WASF3: variants seen among roughly 807,000 people sequenced by gnomAD.
WASF3 encodes the protein WASP family member 3.
In WASF3, 11 loss-of-function variants were observed where a neutral mutation model predicts 46.6. The observed-to-expected ratio is 0.24, with a 90% CI of 0.15 to 0.39. WASF3 has a LOEUF of 0.39. WASF3 is among the 10% of genes least tolerant of loss of function. The probability of loss-of-function intolerance (pLI) is 1.00; values close to 1 mark genes in which losing one functional copy is unlikely to be tolerated. For missense variants in WASF3, 576 were observed against 669.8 expected, an observed-to-expected ratio of 0.86 and a Z score of 1.55; for synonymous variants, 242 against 259.7, an observed-to-expected ratio of 0.93 and a Z score of 0.65.
Position 26,685,811 on chromosome 13 carries a change from A to G in WASF3, c.1475A>G (p.Asp492Gly). 6.2e-7 allele frequency: 1 copy of G among 1,613,926 alleles called. No homozygotes were observed. Among genetic ancestry groups the G allele is most frequent in the African/African-American group, 1.3e-5 (1 of 75,024 alleles). ...GTGGAGTACAGCGACTCTGACGACG[A>G]CTCAGAGTTCGACGAGAACGACTGG... ...IAVEYSDSDDDSEFDENDWSD is the reference protein window; with the variant it reads ...IAVEYSDSDDGSEFDENDWSD The change falls in exon 10 of 10, where the codon GAC becomes GGC. Residue 492 changes from aspartate (D) to glycine (G), a missense_variant. This residue lies in a region of WASF3 where 68 missense variants were observed against 100.3 expected (regional missense o/e 0.68). Coordinates refer to ENST00000335327, the MANE Select transcript of WASF3 (RefSeq NM_006646.6).
intron 2 of WASF3, among the ~76,000 whole-genome samples, chr13:26,637,742 A>T (rs772004123): frequency 7.9e-5 from 12 of 152,190 alleles, no homozygotes; most frequent in Admixed American, 1.3e-4. Flanking sequence ...GGTCACCGTC[A>T]CTGTAATCTT....
the WASF3 span, among the ~76,000 whole-genome samples, chr13:26,544,423 G>A: frequency 6.6e-6 from 1 of 152,168 alleles, no homozygotes; most frequent in Non-Finnish European, 1.5e-5. Context: ...TTTCAGCACA[G>A]CATCTCCTCC....
At chr13:26,678,731 C>T (rs955241877) in intron 7 of WASF3, among the ~76,000 whole-genome samples, 5 of 152,190 alleles carry the variant, frequency 3.3e-5, no homozygotes, top group African/African-American at 1.2e-4. Flanking sequence ...GAAGTGCTTG[C>T]CTGCTGTATG....
At chr13:26,621,272 C>T (rs140254611) in intron 2 of WASF3, among the ~76,000 whole-genome samples, 61 of 152,210 alleles carry the variant, frequency 4.0e-4, no homozygotes, top group African/African-American at 1.4e-3. Flanking sequence ...GTTTTATTTT[C>T]GTTTGTTCAG....
At chr13:26,607,915 C>G (rs1880850518) in intron 1 of WASF3, among the ~76,000 whole-genome samples, 1 of 152,176 alleles carries the variant, frequency 6.6e-6, no homozygotes, top group Non-Finnish European at 1.5e-5. Flanking sequence ...GGATTACAGG[C>G]ATGAGCCACC....
At chr13:26,640,899 C>T (rs1413591755) in intron 2 of WASF3, 3 of 152,136 alleles carry the variant, frequency 2.0e-5, no homozygotes. Context: ...AAGCCTCCCT[C>T]CCCAGTGTTC....
rs200299739 is a variant in WASF3, at chr13:26,578,993, C to CTTTTTTTTTTTTTTTTTTTTTTTTTT, written c.-109+21197_-109+21198insTTTTTTTTTTTTTTTTTTTTTTTTTT. On this transcript the variant is annotated intron_variant, in intron 1 of 9. Transcript: ENST00000335327. ...ACCTTATATTCTTGGGATACATTTC[C>CTTTTTTTTTTTTTTTTTTTTTTTTTT]TTTTTTTTTTTTTTTTTTTTTTTGT... 6.9e-4 allele frequency among the ~76,000 whole-genome samples: 42 copies of CTTTTTTTTTTTTTTTTTTTTTTTTTT among 60,638 alleles called. 8 individuals are homozygous for CTTTTTTTTTTTTTTTTTTTTTTTTTT. The highest frequency in any genetic ancestry group is 2.2e-3 in the East Asian group (3 of 1,352). 39.8% of individuals were successfully genotyped at this position (60,638 alleles called of 152,430 possible).
intron 1 of WASF3, among the ~76,000 whole-genome samples, chr13:26,592,278 A>T (rs1321544934): frequency 2.0e-5 from 3 of 152,196 alleles, no homozygotes; most frequent in Admixed American, 6.5e-5. Flanking sequence ...ATTCCAGAAT[A>T]TTGGAAATAT....
chr13:26,554,468 T>A (rs1038637309), upstream of WASF3, among the ~76,000 whole-genome samples: 2 of 152,122 alleles, frequency 1.3e-5, no homozygotes, highest in Non-Finnish European at 2.9e-5. Context: ...AAAGAACTTT[T>A]AAAAAAGATT....
intron 3 of WASF3, among the ~76,000 whole-genome samples, chr13:26,663,101 A>G (rs1404738906): frequency 6.6e-6 from 1 of 152,178 alleles, no homozygotes; most frequent in Non-Finnish European, 1.5e-5. Flanking sequence ...TAGAAGGGAC[A>G]AGACTTGGTG....
chr13:26,625,056 C>T (rs2137248933), intron 2 of WASF3, among the ~76,000 whole-genome samples: 1 of 152,024 alleles, frequency 6.6e-6, no homozygotes, highest in East Asian at 1.9e-4. Context: ...AATGAAGAGA[C>T]CCTGAAATGG....
chr13:26,581,521 A>G (rs1259745184), intron 1 of WASF3, among the ~76,000 whole-genome samples: 5 of 151,958 alleles, frequency 3.3e-5, no homozygotes. Flanking sequence ...CTATTTCCCC[A>G]CAGAAATCAG....
chr13:26,553,780 G>A (rs576579050), upstream of WASF3, among the ~76,000 whole-genome samples: 425 of 150,630 alleles, frequency 2.8e-3, 3 homozygotes, highest in Middle Eastern at 0.045. Flanking sequence ...TCACGCCACT[G>A]CACTCCAGCC....
intron 5 of WASF3, among the ~76,000 whole-genome samples, chr13:26,669,765 C>T (rs949018848): frequency 6.6e-5 from 10 of 152,200 alleles, no homozygotes; most frequent in East Asian, 1.9e-4. Context: ...CCACCTGCCT[C>T]GGCCTCCCAA....
intron 3 of WASF3, among the ~76,000 whole-genome samples, chr13:26,651,920 A>G (rs915839006): frequency 2.6e-5 from 4 of 152,240 alleles, no homozygotes; most frequent in Non-Finnish European, 4.4e-5. Flanking sequence ...TATAATTTCT[A>G]GTAACCATCA....
At chr13:26,598,324 G>A (rs1273214918) in intron 1 of WASF3, among the ~76,000 whole-genome samples, 1 of 151,998 alleles carries the variant, frequency 6.6e-6, no homozygotes, top group East Asian at 1.9e-4. Flanking sequence ...TTTTTTTCTT[G>A]TAAATTTGTT....
chr13:26,636,133 G>T (rs562269732), intron 2 of WASF3, among the ~76,000 whole-genome samples: 2 of 152,250 alleles, frequency 1.3e-5, no homozygotes, highest in Non-Finnish European at 2.9e-5. Flanking sequence ...GTCTATAGAG[G>T]CAGTAGGCCT....
At position 26,630,419 on chromosome 13, in the gene WASF3, C is replaced by T. The variant is rs1593158454; in HGVS notation, c.-10-11842C>T. On this transcript the variant is annotated intron_variant, in intron 2 of 9. Coordinates refer to ENST00000335327, the MANE Select transcript of WASF3 (RefSeq NM_006646.6). ...GTGAGAACATGCAGTGTTTGGTTTT[C>T]TGTCCTTGTGATAGTTTGCTGAGAA... Among the ~76,000 whole-genome samples the T allele has an allele frequency of 2.6e-5, 4 of 152,166 alleles. 1 individual carries two copies. The East Asian group carries it at 7.7e-4, about 29-fold the overall frequency.
intron 1 of WASF3, among the ~76,000 whole-genome samples, chr13:26,568,894 G>A (rs1426351094): frequency 2.0e-5 from 3 of 152,180 alleles, no homozygotes; most frequent in Non-Finnish European, 4.4e-5. Flanking sequence ...CACAATGTAC[G>A]TCTCAGTAAT....
Sources: allele counts gnomAD v4.1 joint callset (sites outside exome capture counted in the v4.1 genomes callset), GRCh38; gene constraint gnomAD v4.1.1; regional missense constraint gnomAD v4.1.1; transcripts MANE v1.5; gene names NCBI Gene and HGNC (gene_info 2026-07-23, HGNC 2026-07-21).